The following LRRC7 variants were observed in gnomAD, a reference collection of about 807,000 sequenced individuals.
LRRC7 encodes leucine rich repeat containing 7.
A neutral mutation model predicts 175.7 loss-of-function variants in LRRC7; 23 were observed. The ratio of observed to expected loss-of-function variants is 0.13; its 90% CI spans 0.09 to 0.19. LRRC7 has a LOEUF of 0.19. Among genes scored for constraint, LRRC7 ranks in the 10% least tolerant of loss-of-function variants. LRRC7 has a pLI of 1.00. For synonymous variants in LRRC7, 685 were observed against 680.9 expected (o/e 1.01, Z -0.09); for missense variants, 1,354 against 1,904.7 (o/e 0.71, Z 5.38).
At chr1:69,884,249 A>G (rs1332087932) in intron 7 of LRRC7, among the ~76,000 whole-genome samples, 1 of 90,090 alleles carries the variant, frequency 1.1e-5, no homozygotes, top group African/African-American at 4.3e-5. Context: ...ACCCATGAGC[A>G]TGGAATGTTC....
At chr1:69,989,477 C>A (rs972062847) in intron 10 of LRRC7, among the ~76,000 whole-genome samples, 3 of 151,806 alleles carry the variant, frequency 2.0e-5, no homozygotes, top group Non-Finnish European at 4.4e-5. Context: ...TAAAATACAA[C>A]AGCTATAATG....
intron 15 of LRRC7, 121 bp downstream of exon 15, chr1:70,018,939 T>C: frequency 1.6e-6 from 1 of 625,882 alleles, no homozygotes; most frequent in South Asian, 2.5e-5. Flanking sequence ...GATAATTACA[T>C]GACACACAAA....
intron 4 of LRRC7, among the ~76,000 whole-genome samples, chr1:69,819,221 G>A (rs956336609): frequency 4.6e-5 from 7 of 151,836 alleles, no homozygotes; most frequent in Non-Finnish European, 1.0e-4. Flanking sequence ...TCTTAAAACT[G>A]CTTTTGCTGA....
At chr1:69,851,933 A>G (rs1032428002) in intron 7 of LRRC7, among the ~76,000 whole-genome samples, 9 of 152,188 alleles carry the variant, frequency 5.9e-5, no homozygotes, top group African/African-American at 2.2e-4. Context: ...TAGGTTGTTT[A>G]TGGGATAGTG....
chr1:70,024,873 T>C (rs1657918909), intron 17 of LRRC7, among the ~76,000 whole-genome samples: 1 of 152,152 alleles, frequency 6.6e-6, no homozygotes. Context: ...CATAATACAA[T>C]GATAAATTAT....
intron 1 of LRRC7, among the ~76,000 whole-genome samples, chr1:69,605,727 G>C (rs530213825): frequency 6.1e-4 from 93 of 152,158 alleles, no homozygotes; most frequent in Non-Finnish European, 1.1e-3. Flanking sequence ...AATATAGAAA[G>C]TATTTTAATA....
rs1666977448 is a variant in LRRC7, at chr1:70,139,187, G to T, written c.*17300G>T. On this transcript the variant is annotated 3_prime_UTR_variant, in exon 27 of 27. Coordinates refer to ENST00000651989, the MANE Select transcript of LRRC7 (RefSeq NM_001370785.2). ...CAAACCTCTGTTTAGGGTCCTGCAT[G>T]TACTATCAAACAGCAAGTGATAGAA... 1 of 152,274 alleles carries T rather than the reference G, an allele frequency of 6.6e-6. No homozygotes were observed. Among genetic ancestry groups the T allele is most frequent in the Non-Finnish European group, 1.5e-5 (1 of 68,024 alleles). 9.4% of individuals were successfully genotyped at this position (152,274 alleles called of 1,614,324 possible).
At chr1:69,861,498 T>A (rs1684349291) in intron 7 of LRRC7, among the ~76,000 whole-genome samples, 1 of 152,210 alleles carries the variant, frequency 6.6e-6, no homozygotes, top group Admixed American at 6.5e-5. Flanking sequence ...AATCTACATT[T>A]TGAGTCCTGC....
chr1:69,771,148 C>T (rs541877355), intron 3 of LRRC7, among the ~76,000 whole-genome samples: 6 of 151,978 alleles, frequency 3.9e-5, no homozygotes, highest in African/African-American at 1.2e-4. Context: ...ATCTTTTTTT[C>T]CATATATGTT....
In LRRC7 at chr1:69,924,247, G is replaced by C. The variant is rs1646985368; in HGVS notation, c.648-7260G>C. On this transcript the variant is annotated intron_variant, in intron 7 of 26. Coordinates refer to ENST00000651989, the MANE Select transcript of LRRC7 (RefSeq NM_001370785.2). ...GAAGTCAGGTAGCATGATGCCTCCA[G>C]CTTTGTTCTTTTGGCTTAGGATTGC... 2.6e-5 allele frequency among the ~76,000 whole-genome samples: 4 copies of C among 152,106 alleles called. No individual in the cohort carries two copies. In the South Asian group the frequency reaches 8.3e-4, roughly 32 times the overall value.
intron 3 of LRRC7, among the ~76,000 whole-genome samples, chr1:69,790,464 A>G (rs1483058128): frequency 6.6e-6 from 1 of 152,024 alleles, no homozygotes; most frequent in East Asian, 1.9e-4. Flanking sequence ...AAAATTTATA[A>G]AACAAACAAA....
chr1:69,855,314 T>C (rs1683469732), intron 7 of LRRC7, among the ~76,000 whole-genome samples: 1 of 152,176 alleles, frequency 6.6e-6, no homozygotes, highest in Non-Finnish European at 1.5e-5. Context: ...CCAGAGATTG[T>C]GGTATGTTGT....
intron 8 of LRRC7, among the ~76,000 whole-genome samples, chr1:69,953,958 G>A (rs1027537654): frequency 6.6e-6 from 1 of 151,988 alleles, no homozygotes; most frequent in African/African-American, 2.4e-5. Flanking sequence ...AGAATTTGTT[G>A]AATAAATGCT....
chr1:70,039,544 G>C lies in LRRC7; in HGVS notation c.3720G>C (p.Ala1240=). ...TTACCCAAAGGAGGCCATTGTCTGC[G>C]AGAAGCTACAGTACAGAGAGTTACG... ...KNLTQRRPLS[A]RSYSTESYGA... The change falls in exon 21 of 27, where the codon GCG becomes GCC. Residue 1240 remains alanine (A), a synonymous_variant. Coordinates refer to ENST00000651989, the MANE Select transcript of LRRC7 (RefSeq NM_001370785.2). 4 of 1,614,110 alleles carry C rather than the reference G, an allele frequency of 2.5e-6. No homozygotes were observed. The highest frequency in any genetic ancestry group is 3.4e-6 in the Non-Finnish European group (4 of 1,180,006).
At chr1:69,854,809 G>C (rs969880029) in intron 7 of LRRC7, among the ~76,000 whole-genome samples, 8 of 151,976 alleles carry the variant, frequency 5.3e-5, no homozygotes, top group South Asian at 4.1e-4. Context: ...AGTTCTACTG[G>C]TGATTTTTTT....
Position 69,806,874 on chromosome 1 carries a change from A to G in LRRC7, c.421+14714A>G, listed in dbSNP as rs368088355. Reference sequence around the variant, plus strand: ...TTCCATCATCTTCTCTATAAATGATACCATCAGCTATAATTGCTTCAGGCT... The same window carrying G: ...TTCCATCATCTTCTCTATAAATGATGCCATCAGCTATAATTGCTTCAGGCT... On this transcript the variant is annotated intron_variant, in intron 4 of 26. Coordinates refer to ENST00000651989, the MANE Select transcript of LRRC7 (RefSeq NM_001370785.2). Among the ~76,000 whole-genome samples the G allele has an allele frequency of 1.2e-4, 18 of 152,152 alleles. No homozygotes were observed. The East Asian group carries it at 2.9e-3, about 25-fold the overall frequency.
At chr1:70,107,424 T>C (rs747413947) in intron 25 of LRRC7, among the ~76,000 whole-genome samples, 9 of 152,144 alleles carry the variant, frequency 5.9e-5, no homozygotes, top group Non-Finnish European at 8.8e-5. Context: ...TGAAGACAAA[T>C]TCAGAATTTA....
At chr1:70,121,421 G>A (rs1383597481) in intron 26 of LRRC7, among the ~76,000 whole-genome samples, 1 of 151,990 alleles carries the variant, frequency 6.6e-6, no homozygotes, top group Non-Finnish European at 1.5e-5. Context: ...TAACACTAAG[G>A]TAATGGCCAT....
At chr1:69,612,923 T>C (rs1431137194) in intron 1 of LRRC7, among the ~76,000 whole-genome samples, 1 of 152,104 alleles carries the variant, frequency 6.6e-6, no homozygotes, top group Non-Finnish European at 1.5e-5. Context: ...CTCATCCTTC[T>C]ACTCCCCCAT....
Sources: gnomAD v4.1 joint callset for allele counts (sites outside exome capture counted in the v4.1 genomes callset) on GRCh38, gnomAD v4.1.1 for gene constraint, MANE v1.5 for transcripts, NCBI Gene and HGNC (gene_info 2026-07-23, HGNC 2026-07-21) for gene names.